Variants in EHMT1 observed in about 807,000 individuals in gnomAD.
EHMT1 encodes the protein histone-lysine N-methyltransferase EHMT1.
A neutral mutation model predicts 147.2 loss-of-function variants in EHMT1; 15 were observed. The observed-to-expected ratio is 0.10, with a 90% CI of 0.07 to 0.16. The LOEUF is 0.16. Among genes scored for constraint, EHMT1 ranks in the 10% least tolerant of loss-of-function variants. The pLI is 1.00. For synonymous variants in EHMT1, 795 were observed against 709.6 expected, an observed-to-expected ratio of 1.12 and a Z score of -1.91; for missense variants, 1,587 against 1,772.4, an observed-to-expected ratio of 0.90 and a Z score of 1.88.
At position 137,775,505 on chromosome 9, in the gene EHMT1, C is replaced by T. The variant is rs574670977; in HGVS notation, c.1791+253C>T. Among the ~76,000 whole-genome samples, 2 of 151,028 alleles carry T rather than the reference C, an allele frequency of 1.3e-5. No homozygotes were observed. Among genetic ancestry groups the T allele is most frequent in the Admixed American group, 6.6e-5 (1 of 15,168 alleles). On this transcript the variant is annotated intron_variant, in intron 11 of 26. Coordinates refer to ENST00000460843, the MANE Select transcript of EHMT1 (RefSeq NM_024757.5). This position sits in a 1 kb window ranked among gnomAD's most constrained non-coding sequence, Gnocchi z 6.1. ...AAACCGCTTTTGGAGATGACTAGGACGGTGTGACCTGGGCTTCCAGGCCAG... is the reference window on the plus strand; with the variant it reads ...AAACCGCTTTTGGAGATGACTAGGATGGTGTGACCTGGGCTTCCAGGCCAG...
At chr9:137,698,071 G>C (rs367742309) in intron 1 of EHMT1, among the ~76,000 whole-genome samples, 2,779 of 152,050 alleles carry the variant, frequency 0.018, 70 homozygotes, top group African/African-American at 0.064. Context: ...GGCGTGGCTC[G>C]CGGAGGCCTC....
chr9:137,762,971 C>A, intron 10 of EHMT1, 151 bp downstream of exon 10: 1 of 963,558 alleles, frequency 1.0e-6, no homozygotes, highest in Non-Finnish European at 1.6e-6. Flanking sequence ...TCGAGCAGAT[C>A]CCAACAGTGA....
In EHMT1 at chr9:137,720,953, G is replaced by A. The variant is rs144665006; in HGVS notation, c.642+3771G>A. Among the ~76,000 whole-genome samples, 903 of 152,124 alleles carry A rather than the reference G, an allele frequency of 5.9e-3. 6 individuals carry two copies. The highest frequency in any genetic ancestry group is 0.01 in the Non-Finnish European group (688 of 67,984). On this transcript the variant is annotated intron_variant, in intron 3 of 26. Transcript: ENST00000460843. ...TGCTGAACCACACTCCAGAGTGGCT[G>A]CAGCCTTTCACACGCCCACCGGCGA...
chr9:137,728,693 A>G (rs1193850959), intron 4 of EHMT1, 164 bp downstream of exon 4: 2 of 817,684 alleles, frequency 2.4e-6, no homozygotes, highest in African/African-American at 3.4e-5. Context: ...CTGAGGAGGC[A>G]CACCTGACCT....
In EHMT1 at chr9:137,650,053, G is replaced by A. The variant is rs370816782; in HGVS notation, c.21+31004G>A. ...GCCATCTAACATTCCTGCCAGCAGT[G>A]AATGAGGGTTCCAGTTTTTATATCG... On this transcript the variant is annotated intron_variant, in intron 1 of 26. Coordinates refer to ENST00000460843, the MANE Select transcript of EHMT1 (RefSeq NM_024757.5). Among the ~76,000 whole-genome samples the A allele has an allele frequency of 6.6e-5, 10 of 152,162 alleles. No individual in the cohort carries two copies. The South Asian group carries it at 2.1e-3, about 32-fold the overall frequency.
At chr9:137,670,496 C>T (rs576168831) in intron 1 of EHMT1, among the ~76,000 whole-genome samples, 24 of 152,250 alleles carry the variant, frequency 1.6e-4, no homozygotes, top group African/African-American at 5.3e-4. Context: ...CCTGTGCCCA[C>T]GTGCGAGCTC....
intron 25 of EHMT1, among the ~76,000 whole-genome samples, chr9:137,823,286 G>A (rs574789614): frequency 6.6e-6 from 1 of 151,350 alleles, no homozygotes; most frequent in African/African-American, 2.4e-5. Context: ...TTTTAGTAGA[G>A]ACAGGGTTTC....
intron 16 of EHMT1, among the ~76,000 whole-genome samples, chr9:137,796,971 G>A (rs1588760913): frequency 6.6e-6 from 1 of 152,172 alleles, no homozygotes; most frequent in Admixed American, 6.5e-5. Flanking sequence ...CACCAGTAGG[G>A]TCTGTGATGT....
intron 1 of EHMT1, among the ~76,000 whole-genome samples, chr9:137,619,725 C>T (rs889326461): frequency 6.6e-6 from 1 of 152,078 alleles, no homozygotes; most frequent in Non-Finnish European, 1.5e-5. Context: ...AGTTCACATT[C>T]TTTTGTTAAT....
rs866113536 is a variant in EHMT1 at position 137,677,872 on chromosome 9, T to C, written c.22-33095T>C. On this transcript the variant is annotated intron_variant, in intron 1 of 26. Transcript: ENST00000460843. ...AGGAGATTGAGACCATCCTGGCTAATACGGTGAAACCCCGTCTCGACTAAA... is the reference window on the plus strand; with the variant it reads ...AGGAGATTGAGACCATCCTGGCTAACACGGTGAAACCCCGTCTCGACTAAA... Among the ~76,000 whole-genome samples the C allele has an allele frequency of 4.6e-4, 69 of 149,210 alleles. 1 individual carries two copies. The Middle Eastern group carries it at 0.014, about 30-fold the overall frequency.
At chr9:137,762,598 G>C in intron 9 of EHMT1, 77 bp from the exon 10 acceptor site, 1 of 1,607,418 alleles carries the variant, frequency 6.2e-7, no homozygotes, top group Non-Finnish European at 8.5e-7. Flanking sequence ...TCACTGTTGA[G>C]ACTATAATCG....
rs183512839 is a variant in EHMT1, at chr9:137,682,213, G to T, written c.22-28754G>T. ...TCCGCCCACCTCAGCCTCCCAAAGT[G>T]CTGGGATTACAAGCGTGAGCCACCG... On this transcript the variant is annotated intron_variant, in intron 1 of 26. Coordinates refer to ENST00000460843, the MANE Select transcript of EHMT1 (RefSeq NM_024757.5). Among the ~76,000 whole-genome samples, 560 of 152,224 alleles carry T rather than the reference G, an allele frequency of 3.7e-3. 7 individuals are homozygous for T. The highest frequency in any genetic ancestry group is 5.2e-3 in the Non-Finnish European group (355 of 68,024).
In EHMT1 at chr9:137,836,050, T is replaced by C. The variant is rs1353515412; in HGVS notation, c.*1097T>C. The C allele has an allele frequency of 6.6e-6, 1 of 152,622 alleles. No homozygotes were observed. Among genetic ancestry groups the C allele is most frequent in the African/African-American group, 2.4e-5 (1 of 41,472 alleles). 9.5% of individuals were successfully genotyped at this position (152,622 alleles called of 1,614,324 possible). A position where few individuals can be genotyped will look rare whatever the true frequency, so the allele number is the denominator to read the frequency against. ...TTCTGTTAAAATGTTTTTGACAGTT[T>C]TAAGAGCAGTCTTTTGGCTCTGACC... On this transcript the variant is annotated 3_prime_UTR_variant, in exon 27 of 27. Transcript: ENST00000460843.
At chr9:137,834,589 G>A (rs963141098) in intron 26 of EHMT1, 65 bp downstream of exon 26, 21 of 1,602,834 alleles carry the variant, frequency 1.3e-5, no homozygotes, top group African/African-American at 8.0e-5. Context: ...AACGGGGCTC[G>A]CATTGCTTTC....
At position 137,776,755 on chromosome 9, in the gene EHMT1, T is replaced by C; in HGVS notation, c.1929T>C (p.Ala643=). The change falls in exon 12 of 27, where the codon GCT becomes GCC. Residue 643 remains alanine (A), a synonymous_variant. Coordinates refer to ENST00000460843, the MANE Select transcript of EHMT1 (RefSeq NM_024757.5). This position sits in a 1 kb window ranked among gnomAD's most constrained non-coding sequence, Gnocchi z 4.4. ...ESSKAKEVTI[A]KADTTSTVTP... Reference sequence around the variant, plus strand: ...CCAAGGCCAAAGAGGTGACGATAGCTAAAGCAGACACCACCTCGACCGTGA... The same window carrying C: ...CCAAGGCCAAAGAGGTGACGATAGCCAAAGCAGACACCACCTCGACCGTGA... 6.2e-7 allele frequency: 1 copy of C among 1,613,918 alleles called. No individual in the cohort carries two copies. Among genetic ancestry groups the C allele is most frequent in the Non-Finnish European group, 8.5e-7 (1 of 1,179,986 alleles).
intron 18 of EHMT1, among the ~76,000 whole-genome samples, chr9:137,803,767 C>T (rs887931748): frequency 6.6e-5 from 10 of 151,550 alleles, no homozygotes; most frequent in African/African-American, 2.4e-4. Context: ...GGGAAGATCG[C>T]TTGAGCCCAG....
chr9:137,623,545 G>T (rs1297285789), intron 1 of EHMT1, among the ~76,000 whole-genome samples: 1 of 151,956 alleles, frequency 6.6e-6, no homozygotes, highest in Non-Finnish European at 1.5e-5. Context: ...CTCCCAAGTA[G>T]CTGGGATTAC....
chr9:137,734,412 T>G (rs1261657263), intron 4 of EHMT1, among the ~76,000 whole-genome samples: 1 of 152,076 alleles, frequency 6.6e-6, no homozygotes, highest in Non-Finnish European at 1.5e-5. Context: ...ATAGCAAACT[T>G]GAAGATAGGA....
intron 15 of EHMT1, chr9:137,788,624 TC>T (rs1952209883): frequency 6.6e-6 from 1 of 152,230 alleles, no homozygotes; most frequent in Non-Finnish European, 1.5e-5. Flanking sequence ...GTGTCTCTTG[TC>T]CCCTCGGGGA....
Sources: gnomAD v4.1 joint callset for allele counts (sites outside exome capture counted in the v4.1 genomes callset) on GRCh38, gnomAD v4.1.1 for gene constraint, Gnocchi (gnomAD v3.1) non-coding constraint, MANE v1.5 for transcripts, NCBI Gene and HGNC (gene_info 2026-07-23, HGNC 2026-07-21) for gene names.